Variants in CDH13 observed in about 807,000 individuals in gnomAD.
CDH13 encodes cadherin 13, also known as cadherin-13.
Under a neutral mutation model 63.8 loss-of-function variants are expected in CDH13, and 24 were observed. The observed-to-expected ratio is 0.38, with a 90% CI of 0.27 to 0.53. CDH13 has a LOEUF of 0.53. Ranked by LOEUF, CDH13 falls within the 20% of genes least tolerant of loss-of-function variation. The pLI is 0.85. For synonymous variants in CDH13, 503 were observed against 355.3 expected (o/e 1.42, Z -4.67); for missense variants, 1,049 against 903.1 (o/e 1.16, Z -2.07).
chr16:83,263,567 A>AT lies in CDH13; in HGVS notation c.636+46071dup, dbSNP rs570089355. On this transcript the variant is annotated intron_variant, in intron 5 of 13. Transcript: ENST00000567109. Reference sequence around the variant, plus strand: ...GCCACCGCCCACTGAATGGTTTGATATAAAAAAAACAAAACAAAACAAAAC... The same window carrying AT: ...GCCACCGCCCACTGAATGGTTTGATATTAAAAAAAACAAAACAAAACAAAAC... Among the ~76,000 whole-genome samples the AT allele has an allele frequency of 9.2e-5, 14 of 152,324 alleles. No individual in the cohort carries two copies. In the South Asian group the frequency reaches 2.7e-3, roughly 29 times the overall value.
chr16:83,041,536 A>C (rs895990680), intron 3 of CDH13, among the ~76,000 whole-genome samples: 1 of 152,178 alleles, frequency 6.6e-6, no homozygotes, highest in African/African-American at 2.4e-5. Context: ...TACGTCTCTT[A>C]CTGCATTGGG....
At chr16:83,484,665 CT>C (rs1229233982) in intron 6 of CDH13, among the ~76,000 whole-genome samples, 1 of 152,260 alleles carries the variant, frequency 6.6e-6, no homozygotes, top group East Asian at 1.9e-4. Context: ...AATCCCCTCT[CT>C]TCTTCTCCAG....
intron 5 of CDH13, among the ~76,000 whole-genome samples, chr16:83,300,927 A>G (rs572791590): frequency 6.7e-6 from 1 of 150,124 alleles, no homozygotes; most frequent in Non-Finnish European, 1.5e-5. Flanking sequence ...AGGGATTTAG[A>G]TTTCCTCTTC....
chr16:83,247,254 C>G (rs556575214), intron 5 of CDH13, among the ~76,000 whole-genome samples: 1 of 152,236 alleles, frequency 6.6e-6, no homozygotes, highest in Non-Finnish European at 1.5e-5. Context: ...GTGTGGGGTC[C>G]AGGACAGGCT....
At chr16:83,547,564 G>T (rs1458958858) in intron 7 of CDH13, among the ~76,000 whole-genome samples, 1 of 152,128 alleles carries the variant, frequency 6.6e-6, no homozygotes, top group African/African-American at 2.4e-5. Context: ...TTGGTTTTCT[G>T]TTCCTGGGTT....
At chr16:83,070,340 A>G (rs547350855) in intron 3 of CDH13, among the ~76,000 whole-genome samples, 2 of 152,190 alleles carry the variant, frequency 1.3e-5, no homozygotes, top group Non-Finnish European at 2.9e-5. Context: ...CCTTCTGGCC[A>G]TAAGTACCAA....
rs1470291185 is a variant in CDH13, at chr16:83,224,132, C to G, written c.636+6635C>G. Among the ~76,000 whole-genome samples the G allele has an allele frequency of 2.0e-5, 3 of 152,176 alleles. No homozygotes were observed. The South Asian group carries it at 6.2e-4, about 32-fold the overall frequency. ...GAGTTACTTCACTTAGAATAATAGT[C>G]TTCAATCCCATCCAGGTTGTTGCAA... On this transcript the variant is annotated intron_variant, in intron 5 of 13. Transcript: ENST00000567109.
At chr16:82,742,951 T>G (rs1222786141) in intron 1 of CDH13, among the ~76,000 whole-genome samples, 2 of 152,142 alleles carry the variant, frequency 1.3e-5, no homozygotes, top group Admixed American at 6.5e-5. Flanking sequence ...TAATTTTAAG[T>G]GCATAAAATT....
At chr16:83,546,262 G>T (rs2075384466) in intron 7 of CDH13, among the ~76,000 whole-genome samples, 1 of 152,136 alleles carries the variant, frequency 6.6e-6, no homozygotes, top group Admixed American at 6.5e-5. Flanking sequence ...AACTCCTGGA[G>T]GGTGGCACTC....
At chr16:83,528,448 G>A (rs1214319807) in intron 7 of CDH13, among the ~76,000 whole-genome samples, 1 of 152,162 alleles carries the variant, frequency 6.6e-6, no homozygotes, top group Non-Finnish European at 1.5e-5. Context: ...CTTGTGTGGG[G>A]TGTATAGTGA....
At chr16:83,043,397 C>T (rs987688619) in intron 3 of CDH13, among the ~76,000 whole-genome samples, 23 of 151,528 alleles carry the variant, frequency 1.5e-4, no homozygotes, top group African/African-American at 5.1e-4. Flanking sequence ...GTAATGAAAG[C>T]CACGTATGTC....
Position 82,968,445 on chromosome 16 carries a change from G to A in CDH13, c.158-63565G>A, listed in dbSNP as rs574608950. 1.1e-4 allele frequency among the ~76,000 whole-genome samples: 16 copies of A among 152,294 alleles called. No individual in the cohort carries two copies. In the South Asian group the frequency reaches 3.1e-3, roughly 30 times the overall value. Reference sequence around the variant, plus strand: ...TTAAAAGCTGGTAGTAGGGATGAAGGGGGTTAAGTGACAGTTCTCCTAAGA... The same window carrying A: ...TTAAAAGCTGGTAGTAGGGATGAAGAGGGTTAAGTGACAGTTCTCCTAAGA... On this transcript the variant is annotated intron_variant, in intron 2 of 13. Transcript: ENST00000567109.
chr16:83,794,546 C>G lies in CDH13; in HGVS notation c.2135-477C>G, dbSNP rs183155969. On this transcript the variant is annotated intron_variant, in intron 13 of 13. Coordinates refer to ENST00000567109, the MANE Select transcript of CDH13 (RefSeq NM_001257.5). ...CCAGCTGGGGCAACAGAATGAGACC[C>G]TGTCTCAAAATAAAAACATATCATG... Among the ~76,000 whole-genome samples, 4 of 152,252 alleles carry G rather than the reference C, an allele frequency of 2.6e-5. No homozygotes were observed. The East Asian group carries it at 7.7e-4, about 29-fold the overall frequency.
At chr16:83,576,709 G>A (rs1035864869) in intron 7 of CDH13, among the ~76,000 whole-genome samples, 4 of 152,118 alleles carry the variant, frequency 2.6e-5, no homozygotes, top group Non-Finnish European at 5.9e-5. Flanking sequence ...CCATTCTAGT[G>A]TCTATGAGGT....
intron 10 of CDH13, among the ~76,000 whole-genome samples, chr16:83,708,497 A>G (rs1907492547): frequency 1.3e-5 from 2 of 152,102 alleles, no homozygotes; most frequent in Admixed American, 6.5e-5. Flanking sequence ...TTTTCTGTCT[A>G]GGTTCTCTAT....
At chr16:82,767,566 T>C (rs1597510596) in intron 1 of CDH13, among the ~76,000 whole-genome samples, 1 of 152,222 alleles carries the variant, frequency 6.6e-6, no homozygotes, top group East Asian at 1.9e-4. Flanking sequence ...AAACACATTG[T>C]GTGCTCCTGG....
At chr16:83,279,581 A>G (rs2089098803) in intron 5 of CDH13, among the ~76,000 whole-genome samples, 1 of 152,186 alleles carries the variant, frequency 6.6e-6, no homozygotes, top group South Asian at 2.1e-4. Flanking sequence ...CATCTTTATT[A>G]ATGAGTCGAA....
At position 83,145,744 on chromosome 16, in the gene CDH13, C is replaced by T. The variant is rs543504064; in HGVS notation, c.483+20243C>T. Among the ~76,000 whole-genome samples, 3 of 152,298 alleles carry T rather than the reference C, an allele frequency of 2.0e-5. No homozygotes were observed. The East Asian group carries it at 5.8e-4, about 29-fold the overall frequency. On this transcript the variant is annotated intron_variant, in intron 4 of 13. Transcript: ENST00000567109. Reference sequence around the variant, plus strand: ...AATACTTACTGAGTACTTGTCATTGCAAGACCTGAGGAATAGAGGGGCTAG... The same window carrying T: ...AATACTTACTGAGTACTTGTCATTGTAAGACCTGAGGAATAGAGGGGCTAG...
chr16:83,213,342 A>AGCTT (rs1276098702), intron 4 of CDH13, among the ~76,000 whole-genome samples: 1 of 152,168 alleles, frequency 6.6e-6, no homozygotes, highest in Non-Finnish European at 1.5e-5. Context: ...TCTAGAATTC[A>AGCTT]GCTTTCTGTG....
Sources: gnomAD v4.1 joint callset for allele counts (sites outside exome capture counted in the v4.1 genomes callset) on GRCh38, gnomAD v4.1.1 for gene constraint, MANE v1.5 for transcripts, NCBI Gene and HGNC (gene_info 2026-07-23, HGNC 2026-07-21) for gene names.